The following GMDS variants were observed in gnomAD, a reference collection of about 807,000 sequenced individuals.
The protein encoded by GMDS is GDP-mannose 4,6-dehydratase.
Under a neutral mutation model 49.9 loss-of-function variants are expected in GMDS, and 20 were observed. The observed-to-expected ratio is 0.40, with a 90% CI of 0.28 to 0.58. The LOEUF is 0.58. Ranked by LOEUF, GMDS falls within the 20% of genes least tolerant of loss-of-function variation. The pLI, the probability that GMDS is intolerant of heterozygous loss-of-function variation, is 0.42. For missense variants in GMDS, 362 were observed against 481.4 expected (o/e 0.75, Z 2.32); for synonymous variants, 177 against 178.6 (o/e 0.99, Z 0.07).
chr6:1,741,811 CAAA>C (rs758949708), intron 8 of GMDS, among the ~76,000 whole-genome samples: 55 of 23,002 alleles, frequency 2.4e-3, no homozygotes, highest in Admixed American at 4.3e-3. Flanking sequence ...GACTCTGTCT[CAAA>C]AAAAAAAAAA....
chr6:2,140,154 G>A lies in GMDS; in HGVS notation c.103-15423C>T, dbSNP rs560768915. Among the ~76,000 whole-genome samples the A allele has an allele frequency of 5.9e-5, 9 of 152,234 alleles. No homozygotes were observed. The South Asian group carries it at 8.3e-4, about 14-fold the overall frequency. ...GATGTGATGAAGTTAAGGACCTTGC[G>A]TTGGGGAGACTGGAGATTATCGTGG... On this transcript the variant is annotated intron_variant, in intron 1 of 10. Transcript: ENST00000380815.
At chr6:2,038,284 G>C (rs1017731878) in intron 4 of GMDS, among the ~76,000 whole-genome samples, 1 of 152,192 alleles carries the variant, frequency 6.6e-6, no homozygotes, top group South Asian at 2.1e-4. Flanking sequence ...CAGCTAGCTA[G>C]AGCTAAGTGA....
rs973947251 is a variant in GMDS at position 2,041,729 on chromosome 6, A to AT, written c.345+74041dup. Among the ~76,000 whole-genome samples, 19 of 152,124 alleles carry AT rather than the reference A, an allele frequency of 1.2e-4. 1 individual carries two copies. The highest frequency in any genetic ancestry group is 1.2e-3 in the Admixed American group (19 of 15,276). ...GTCTGCTGAACATACTGCTTGATAC[A>AT]TTTTTTAAACATCAATTTTATACCA... On this transcript the variant is annotated intron_variant, in intron 4 of 10. Coordinates refer to ENST00000380815, the MANE Select transcript of GMDS (RefSeq NM_001500.4).
At chr6:2,108,848 G>A (rs149510848) in intron 4 of GMDS, among the ~76,000 whole-genome samples, 1,650 of 152,196 alleles carry the variant, frequency 0.011, 18 homozygotes, top group Non-Finnish European at 0.016. Context: ...CGTCCAGGTG[G>A]GCACCTGTGA....
At chr6:1,950,345 C>G (rs1763279402) in intron 6 of GMDS, among the ~76,000 whole-genome samples, 1 of 152,192 alleles carries the variant, frequency 6.6e-6, no homozygotes, top group African/African-American at 2.4e-5. Context: ...ATGGACTCTA[C>G]AACTTATTCT....
intron 1 of GMDS, among the ~76,000 whole-genome samples, chr6:2,186,407 C>CA (rs1405524629): frequency 6.6e-6 from 1 of 152,084 alleles, no homozygotes; most frequent in African/African-American, 2.4e-5. Flanking sequence ...AGCTGATTCC[C>CA]AAAATAAGGC....
At chr6:2,130,063 C>T (rs1173210924) in intron 1 of GMDS, among the ~76,000 whole-genome samples, 2 of 152,164 alleles carry the variant, frequency 1.3e-5, no homozygotes, top group African/African-American at 2.4e-5. Flanking sequence ...TCTGGACTCC[C>T]AGACCTCAGA....
chr6:1,933,359 C>T (rs556176724), intron 6 of GMDS, among the ~76,000 whole-genome samples: 5 of 152,160 alleles, frequency 3.3e-5, no homozygotes, highest in East Asian at 3.9e-4. Context: ...TTTTTGTGAA[C>T]GTATGCTTTA....
intron 7 of GMDS, among the ~76,000 whole-genome samples, chr6:1,865,511 T>A (rs1373358156): frequency 6.6e-6 from 1 of 152,190 alleles, no homozygotes; most frequent in African/African-American, 2.4e-5. Context: ...GAGAAGCAGA[T>A]TAAATGACAT....
chr6:2,006,253 C>T (rs1209041512), intron 4 of GMDS, among the ~76,000 whole-genome samples: 2 of 126,852 alleles, frequency 1.6e-5, no homozygotes, highest in Non-Finnish European at 3.3e-5. Context: ...GAGAATTTGA[C>T]TCTGCAAACA....
chr6:1,723,721 C>T (rs1276535743), intron 9 of GMDS, among the ~76,000 whole-genome samples: 7 of 151,948 alleles, frequency 4.6e-5, no homozygotes, highest in African/African-American at 9.7e-5. Context: ...AGCACTTTTA[C>T]AGACTATAAG....
At chr6:1,790,989 C>T (rs1400280758) in intron 7 of GMDS, among the ~76,000 whole-genome samples, 1 of 152,100 alleles carries the variant, frequency 6.6e-6, no homozygotes. Flanking sequence ...CAAAGGGCTA[C>T]AAGGCAAAAG....
chr6:2,018,233 T>C (rs933271285), intron 4 of GMDS, among the ~76,000 whole-genome samples: 9 of 152,218 alleles, frequency 5.9e-5, no homozygotes, highest in African/African-American at 1.7e-4. Context: ...AGAATAGAAT[T>C]ACGCTGATGC....
intron 1 of GMDS, among the ~76,000 whole-genome samples, chr6:2,179,294 G>A (rs1389372297): frequency 6.6e-6 from 1 of 151,904 alleles, no homozygotes; most frequent in African/African-American, 2.4e-5. Context: ...AGACAAAAAG[G>A]TTATGCCAAA....
At chr6:2,187,607 G>C (rs1270389223) in intron 1 of GMDS, among the ~76,000 whole-genome samples, 4 of 152,138 alleles carry the variant, frequency 2.6e-5, no homozygotes, top group Non-Finnish European at 5.9e-5. Context: ...CCATCACTCT[G>C]CCTACTTTCC....
intron 4 of GMDS, among the ~76,000 whole-genome samples, chr6:2,036,689 T>C (rs1207002580): frequency 1.3e-5 from 2 of 152,152 alleles, no homozygotes; most frequent in East Asian, 1.9e-4. Flanking sequence ...TGTCAGAAAG[T>C]AAATATAGGA....
intron 1 of GMDS, among the ~76,000 whole-genome samples, chr6:2,199,020 T>A (rs1163706147): frequency 6.6e-6 from 1 of 152,226 alleles, no homozygotes; most frequent in Non-Finnish European, 1.5e-5. Flanking sequence ...ACAACTATCT[T>A]TATACATAAA....
intron 6 of GMDS, among the ~76,000 whole-genome samples, chr6:1,957,921 G>C (rs1763729806): frequency 6.6e-6 from 1 of 152,004 alleles, no homozygotes; most frequent in East Asian, 1.9e-4. Context: ...TCCCAACTCA[G>C]CTTCCCGAGT....
intron 7 of GMDS, among the ~76,000 whole-genome samples, chr6:1,826,624 A>G (rs753153436): frequency 1.1e-4 from 16 of 152,254 alleles, no homozygotes; most frequent in Non-Finnish European, 2.1e-4. Context: ...TTAATTACAC[A>G]TAATACCTGA....
Sources: allele counts gnomAD v4.1 joint callset (sites outside exome capture counted in the v4.1 genomes callset), GRCh38; gene constraint gnomAD v4.1.1; transcripts MANE v1.5; gene names NCBI Gene and HGNC (gene_info 2026-07-23, HGNC 2026-07-21).